GNAS: variants seen among roughly 807,000 people sequenced by gnomAD.
GNAS encodes the protein protein ALEX.
In GNAS, 8 loss-of-function variants were observed where a neutral mutation model predicts 54.5. The ratio of observed to expected loss-of-function variants is 0.15; its 90% CI spans 0.09 to 0.26. The LOEUF is 0.26. GNAS is among the 10% of genes least tolerant of loss of function. The probability of loss-of-function intolerance (pLI) is 1.00; values close to 1 mark genes in which losing one functional copy is unlikely to be tolerated. For missense variants in GNAS, 170 were observed against 529.8 expected, an observed-to-expected ratio of 0.32 and a Z score of 6.67; for synonymous variants, 204 against 191.4, an observed-to-expected ratio of 1.07 and a Z score of -0.54.
chr20:58,892,762 G>C (rs1334849206), intron 1 of GNAS, among the ~76,000 whole-genome samples: 1 of 151,866 alleles, frequency 6.6e-6, no homozygotes, highest in East Asian at 1.9e-4. Context: ...AGTACGAGAA[G>C]TGCCCAGTGA....
intron 1 of GNAS, among the ~76,000 whole-genome samples, chr20:58,871,346 G>T (rs1239462403): frequency 1.3e-5 from 2 of 152,124 alleles, no homozygotes; most frequent in African/African-American, 4.8e-5. Context: ...AGGGAGCAGT[G>T]GTTCACGCCT....
chr20:58,872,113 G>A (rs1021428725), intron 1 of GNAS, among the ~76,000 whole-genome samples: 5 of 152,286 alleles, frequency 3.3e-5, no homozygotes, highest in Middle Eastern at 3.4e-3. Context: ...GTGCCAAGAC[G>A]GGGGCCACCA....
chr20:58,910,212 C>T lies in GNAS; in HGVS notation c.971-122C>T. The T allele has an allele frequency of 7.9e-7, 1 of 1,265,788 alleles. No individual in the cohort carries two copies. The highest frequency in any genetic ancestry group is 1.2e-5 in the South Asian group (1 of 83,836). 78.4% of individuals were successfully genotyped at this position (1,265,788 alleles called of 1,614,324 possible). A position where few individuals can be genotyped will look rare whatever the true frequency, so the allele number is the denominator to read the frequency against. On this transcript the variant is annotated intron_variant, in intron 11 of 12. Coordinates refer to ENST00000371085, the MANE Select transcript of GNAS (RefSeq NM_000516.7). This position sits in a 1 kb window ranked among gnomAD's most constrained non-coding sequence, Gnocchi z 5.8. The stretch of plus-strand genomic sequence containing the variant: ...CTATAAGAGAAGCAAGAAAAACGCA[C>T]TCCCACTAATTCTCATATGGAAAAA...
In GNAS at chr20:58,873,265, G is replaced by T. The variant is rs77671362; in HGVS notation, c.44-22347G>T. 0.027 allele frequency among the ~76,000 whole-genome samples: 4,049 copies of T among 152,230 alleles called. 174 individuals are homozygous for T. Among genetic ancestry groups the T allele is most frequent in the African/African-American group, 0.092 (3,835 of 41,522 alleles). On this transcript the variant is annotated intron_variant, in intron 1 of 12. Coordinates refer to the GNAS transcript ENST00000306090. The surrounding 1 kb of genome is among the most constrained non-coding windows in gnomAD (Gnocchi z 4.3). ...GAATTGTCAGGGAGTTAGGGGTCAC[G>T]GTGGTTCTTCAGGAAGAAAGAAATG...
intron 3 of GNAS, among the ~76,000 whole-genome samples, chr20:58,899,203 T>C (rs1006116305): frequency 6.6e-6 from 1 of 152,244 alleles, no homozygotes; most frequent in African/African-American, 2.4e-5. Context: ...TAAAGTAGAA[T>C]GAGATCCAGC....
At chr20:58,859,628 CT>C (rs527301154) in intron 1 of GNAS, among the ~76,000 whole-genome samples, 13,355 of 138,720 alleles carry the variant, frequency 0.096, 1,150 homozygotes, top group African/African-American at 0.26. Flanking sequence ...ATATCAGACA[CT>C]TTTTTTTTTT....
At chr20:58,893,565 C>G (rs898530268) in intron 1 of GNAS, among the ~76,000 whole-genome samples, 1 of 152,144 alleles carries the variant, frequency 6.6e-6, no homozygotes, top group Non-Finnish European at 1.5e-5. Context: ...TAGGTCATGA[C>G]TTTGTTCTCC....
chr20:58,903,912 A>C (rs1168037108), intron 5 of GNAS, 121 bp downstream of exon 5: 2 of 987,020 alleles, frequency 2.0e-6, no homozygotes, highest in Non-Finnish European at 1.6e-6. Flanking sequence ...TTCAGGCAAA[A>C]CTACATTTCA....
intron 3 of GNAS, among the ~76,000 whole-genome samples, chr20:58,899,748 T>C (rs899858432): frequency 6.6e-6 from 1 of 151,940 alleles, no homozygotes; most frequent in Non-Finnish European, 1.5e-5. Flanking sequence ...CACACACGCA[T>C]GCCAGGTAAC....
At chr20:58,904,411 A>G (rs1427369869) in intron 5 of GNAS, among the ~76,000 whole-genome samples, 1 of 152,250 alleles carries the variant, frequency 6.6e-6, no homozygotes, top group Non-Finnish European at 1.5e-5. Flanking sequence ...AATAGAACAT[A>G]TGGAAAAGAC....
Position 58,886,080 on chromosome 20 carries a change from G to A in GNAS, c.44-9532G>A, listed in dbSNP as rs576723866. On this transcript the variant is annotated intron_variant, in intron 1 of 12. Transcript: ENST00000306090. ...TTTTCAAGATTCTAAGCTGTAGCAA[G>A]TCCACTGCTTCAAAAGGTAGACAAG... 3.9e-5 allele frequency among the ~76,000 whole-genome samples: 6 copies of A among 152,312 alleles called. No homozygotes were observed. The South Asian group carries it at 6.2e-4, about 16-fold the overall frequency.
intron 6 of GNAS, among the ~76,000 whole-genome samples, chr20:58,908,342 G>A (rs899389916): frequency 2.0e-5 from 3 of 152,100 alleles, no homozygotes; most frequent in East Asian, 1.9e-4. Flanking sequence ...AATGAAAAGC[G>A]TAATATCTGG....
At chr20:58,899,820 T>C in intron 3 of GNAS, 1 of 671,948 alleles carries the variant, frequency 1.5e-6, no homozygotes, top group South Asian at 1.7e-5. Context: ...CATGAGACCA[T>C]CCAGAACCAT....
At chr20:58,898,637 A>G (rs946220435) in intron 2 of GNAS, 2 of 522,114 alleles carry the variant, frequency 3.8e-6, no homozygotes, top group Non-Finnish European at 6.9e-6. Flanking sequence ...TAATGCGTGT[A>G]CGTTTAGTGA....
At chr20:58,845,891 T>A (rs1411015178) in intron 1 of GNAS, among the ~76,000 whole-genome samples, 1 of 151,974 alleles carries the variant, frequency 6.6e-6, no homozygotes, top group Non-Finnish European at 1.5e-5. Context: ...TATTCCCGGG[T>A]AGAAATGGGG....
chr20:58,905,687 C>T (rs1263477824), intron 6 of GNAS, among the ~76,000 whole-genome samples: 3 of 152,096 alleles, frequency 2.0e-5, no homozygotes, highest in Non-Finnish European at 4.4e-5. Context: ...AGTGCAGCGA[C>T]ATTATTTTAC....
At chr20:58,865,453 T>C (rs2087003261) in intron 1 of GNAS, among the ~76,000 whole-genome samples, 1 of 146,728 alleles carries the variant, frequency 6.8e-6, no homozygotes, top group South Asian at 2.1e-4. Context: ...TTTTATATTA[T>C]ATATATATCA....
chr20:58,898,236 A>G (rs1568999810), intron 2 of GNAS: 1 of 151,750 alleles, frequency 6.6e-6, no homozygotes, highest in Non-Finnish European at 1.5e-5. Context: ...GTTTATGAAG[A>G]TCGGGTTTGG....
chr20:58,908,979 T>C, intron 6 of GNAS, 183 bp from the exon 7 acceptor site: 2 of 750,186 alleles, frequency 2.7e-6, no homozygotes, highest in East Asian at 2.5e-5. Flanking sequence ...GCCCTAACCT[T>C]CTTAAGGCAT....
Sources: allele counts gnomAD v4.1 joint callset (sites outside exome capture counted in the v4.1 genomes callset), GRCh38; gene constraint gnomAD v4.1.1; non-coding constraint Gnocchi (gnomAD v3.1); transcripts MANE v1.5; gene names NCBI Gene and HGNC (gene_info 2026-07-23, HGNC 2026-07-21).